The following SMOX variants were observed in gnomAD, a reference collection of about 807,000 sequenced individuals.
SMOX encodes flavin containing amine oxidase.
A neutral mutation model predicts 51.0 loss-of-function variants in SMOX; 22 were observed. That is an observed-to-expected ratio of 0.43 (90% CI 0.31 to 0.62). SMOX has a LOEUF of 0.62. SMOX is among the 20% of genes least tolerant of loss of function. The probability of loss-of-function intolerance (pLI) is 0.10; values close to 1 mark genes in which losing one functional copy is unlikely to be tolerated. For missense variants in SMOX, 566 were observed against 777.7 expected (o/e 0.73, Z 3.24); for synonymous variants, 282 against 307.8 (o/e 0.92, Z 0.88).
chr20:4,150,720 A>G (rs148391806), intron 1 of SMOX, among the ~76,000 whole-genome samples: 1 of 151,462 alleles, frequency 6.6e-6, no homozygotes, highest in East Asian at 2.0e-4. Context: ...CCATCTGATG[A>G]TTTATGATGT....
chr20:4,161,716 C>T (rs551634403), intron 1 of SMOX, among the ~76,000 whole-genome samples: 2 of 152,336 alleles, frequency 1.3e-5, no homozygotes, highest in African/African-American at 2.4e-5. Context: ...GTCTCCCCGC[C>T]CTGCTTTTCC....
chr20:4,186,923 C>T, intron 6 of SMOX: 2 of 709,544 alleles, frequency 2.8e-6, no homozygotes, highest in Middle Eastern at 4.8e-4. Context: ...TCCTTACAAC[C>T]ACCCTCCGAA....
chr20:4,165,110 A>G (rs1986511762), intron 1 of SMOX, among the ~76,000 whole-genome samples: 2 of 135,294 alleles, frequency 1.5e-5, no homozygotes, highest in African/African-American at 2.8e-5. Flanking sequence ...GCTAGAGTGC[A>G]GTGGGGTGAT....
chr20:4,154,619 T>C (rs1351668099), intron 1 of SMOX, among the ~76,000 whole-genome samples: 9 of 152,158 alleles, frequency 5.9e-5, no homozygotes, highest in Non-Finnish European at 8.8e-5. Flanking sequence ...TGCCTCAGCC[T>C]CCCAAAGTGT....
chr20:4,152,065 T>C (rs1985791159), intron 1 of SMOX, among the ~76,000 whole-genome samples: 1 of 152,048 alleles, frequency 6.6e-6, no homozygotes, highest in African/African-American at 2.4e-5. Flanking sequence ...AGGGCGCCAA[T>C]GGGATGTGAA....
Position 4,175,833 on chromosome 20 carries a change from C to T in SMOX, c.208+570C>T, listed in dbSNP as rs560636560. ...TGCCCTAGGGGTGGGCAGACTTTGC[C>T]AGGGATCTCAGAGAATGGGAAAATT... On this transcript the variant is annotated intron_variant, in intron 2 of 6. Coordinates refer to ENST00000305958, the MANE Select transcript of SMOX (RefSeq NM_175839.3). 1.9e-3 allele frequency among the ~76,000 whole-genome samples: 256 copies of T among 136,928 alleles called. 2 individuals carry two copies. Among genetic ancestry groups the T allele is most frequent in the Non-Finnish European group, 3.3e-3 (219 of 66,448 alleles). 89.8% of individuals were successfully genotyped at this position (136,928 alleles called of 152,430 possible).
chr20:4,171,218 A>G (rs1182877421), intron 1 of SMOX, among the ~76,000 whole-genome samples: 1 of 152,180 alleles, frequency 6.6e-6, no homozygotes, highest in Admixed American at 6.5e-5. Flanking sequence ...AGGACAGGGC[A>G]GGCACCGAGT....
chr20:4,156,461 GCCCCCCATGTCTGCC>G (rs1468954112), intron 1 of SMOX, among the ~76,000 whole-genome samples: 1 of 152,034 alleles, frequency 6.6e-6, no homozygotes, highest in East Asian at 1.9e-4. Context: ...GTAAATCTTT[GCCCCCCATGTCTGCC>G]TCCCCACCTT....
intron 1 of SMOX, among the ~76,000 whole-genome samples, chr20:4,161,947 C>T (rs1986346265): frequency 6.6e-6 from 1 of 152,258 alleles, no homozygotes; most frequent in Non-Finnish European, 1.5e-5. Context: ...GGAACGTGCC[C>T]CCCGCCTGCC....
intron 1 of SMOX, among the ~76,000 whole-genome samples, chr20:4,171,524 C>T (rs1978390492): frequency 6.6e-6 from 1 of 152,100 alleles, no homozygotes; most frequent in Non-Finnish European, 1.5e-5. Context: ...CTCTGGCTTC[C>T]TGGAGGCATT....
At chr20:4,174,090 A>G (rs773596548) in intron 1 of SMOX, among the ~76,000 whole-genome samples, 29 of 152,150 alleles carry the variant, frequency 1.9e-4, no homozygotes, top group South Asian at 4.1e-4. Flanking sequence ...CTGGGAAAAC[A>G]ACCTACCCGG....
intron 6 of SMOX, among the ~76,000 whole-genome samples, chr20:4,186,147 T>TA (rs1979716241): frequency 3.4e-5 from 5 of 149,174 alleles, no homozygotes; most frequent in South Asian, 2.1e-4. Flanking sequence ...AACAAAAAAT[T>TA]TAAAAAAAAA....
intron 1 of SMOX, among the ~76,000 whole-genome samples, chr20:4,168,599 C>T (rs1810587): frequency 0.31 from 47,506 of 150,990 alleles, 9,314 homozygotes; most frequent in Non-Finnish European, 0.44. Flanking sequence ...CTCTGTCACC[C>T]AGGCTGGAGT....
At chr20:4,154,120 G>A (rs1985890599) in intron 1 of SMOX, among the ~76,000 whole-genome samples, 1 of 152,046 alleles carries the variant, frequency 6.6e-6, no homozygotes, top group African/African-American at 2.4e-5. Flanking sequence ...AGGTGGAGGA[G>A]GAGAAGTGGG....
Position 4,181,756 on chromosome 20 carries a change from T to C in SMOX, c.436-47T>C, listed in dbSNP as rs766839052. The C allele has an allele frequency of 1.9e-6, 3 of 1,589,468 alleles. No individual in the cohort carries two copies. The highest frequency in any genetic ancestry group is 1.2e-5 in the South Asian group (1 of 86,566). On this transcript the variant is annotated intron_variant, in intron 3 of 6. Transcript: ENST00000305958. This position sits in a 1 kb window ranked among gnomAD's most constrained non-coding sequence, Gnocchi z 5.6. ...TGGGTTGGGGGCCTTCTGTTTGAGA[T>C]GGAGGTGTGATGAGGTGTTTTCAGT...
chr20:4,177,542 G>T lies in SMOX; in HGVS notation c.400G>T (p.Asp134Tyr). 6.3e-7 allele frequency: 1 copy of T among 1,595,314 alleles called. No individual in the cohort carries two copies. Among genetic ancestry groups the T allele is most frequent in the Non-Finnish European group, 8.5e-7 (1 of 1,169,966 alleles). ...CAACCACGGCCGCAGGATCCCCAAG[G>T]ACGTGGTTGAGGAATTCAGCGATTT... ...LTNHGRRIPK[D>Y]VVEEFSDLYN... The change falls in exon 3 of 7, where the codon GAC (aspartate) becomes TAC (tyrosine). Residue 134 changes from aspartate to tyrosine, a missense_variant. This residue lies in a region of SMOX where 217 missense variants were observed against 278.4 expected (regional missense o/e 0.78). Coordinates refer to ENST00000305958, the MANE Select transcript of SMOX (RefSeq NM_175839.3). The surrounding 1 kb of genome is among the most constrained non-coding windows in gnomAD (Gnocchi z 4.3).
Position 4,172,679 on chromosome 20 carries a change from G to T in SMOX, c.-26-2351G>T, listed in dbSNP as rs963254482. On this transcript the variant is annotated intron_variant, in intron 1 of 6. Transcript: ENST00000305958. This position sits in a 1 kb window ranked among gnomAD's most constrained non-coding sequence, Gnocchi z 7.7. ...AGCCCTTGCCTCCGAACTGGACGCT[G>T]CCCGGATGTGGCTCCGGGTCTCGGG... is the stretch of plus-strand genomic sequence containing the variant. 6.6e-6 allele frequency among the ~76,000 whole-genome samples: 1 copy of T among 152,058 alleles called. No individual in the cohort carries two copies. The highest frequency in any genetic ancestry group is 2.4e-5 in the African/African-American group (1 of 41,378).
rs920427231 is a variant in SMOX at position 4,181,281 on chromosome 20, C to G, written c.436-522C>G. 6.6e-6 allele frequency among the ~76,000 whole-genome samples: 1 copy of G among 152,202 alleles called. No individual in the cohort carries two copies. The highest frequency in any genetic ancestry group is 2.4e-5 in the African/African-American group (1 of 41,452). ...AGCAAAGGGGGTGCTTTGTACGGAG[C>G]TGCACAGGCCCAGGGAGGTGTCTCC... On this transcript the variant is annotated intron_variant, in intron 3 of 6. Transcript: ENST00000305958. The surrounding 1 kb of genome is among the most constrained non-coding windows in gnomAD (Gnocchi z 5.6).
At chr20:4,157,714 C>A (rs561434297) in intron 1 of SMOX, among the ~76,000 whole-genome samples, 1 of 151,740 alleles carries the variant, frequency 6.6e-6, no homozygotes, top group Non-Finnish European at 1.5e-5. Flanking sequence ...TGGGAGGGGG[C>A]GGTGCTGTGC....
Sources: gnomAD v4.1 joint callset for allele counts (sites outside exome capture counted in the v4.1 genomes callset) on GRCh38, gnomAD v4.1.1 for gene constraint, gnomAD v4.1.1 regional missense constraint, Gnocchi (gnomAD v3.1) non-coding constraint, MANE v1.5 for transcripts, NCBI Gene and HGNC (gene_info 2026-07-23, HGNC 2026-07-21) for gene names.